ARHGAP22: variants seen among roughly 807,000 people sequenced by gnomAD.
ARHGAP22 encodes the protein rho GTPase-activating protein 22.
In ARHGAP22, 48 loss-of-function variants were observed where a neutral mutation model predicts 59.1. The observed-to-expected ratio is 0.81, with a 90% CI of 0.64 to 1.03. ARHGAP22 has a LOEUF of 1.03. ARHGAP22 is among the 50% of genes least tolerant of loss of function. The probability of loss-of-function intolerance (pLI) is 0.00; values close to 1 mark genes in which losing one functional copy is unlikely to be tolerated. For synonymous variants in ARHGAP22, 445 were observed against 416.4 expected, an observed-to-expected ratio of 1.07 and a Z score of -0.84; for missense variants, 1,015 against 958.7, an observed-to-expected ratio of 1.06 and a Z score of -0.78.
chr10:48,451,851 C>T (rs2045994334), intron 8 of ARHGAP22, among the ~76,000 whole-genome samples: 1 of 151,660 alleles, frequency 6.6e-6, no homozygotes, highest in African/African-American at 2.4e-5. Flanking sequence ...ACCCAGTTTC[C>T]CCAAAGCCCC....
chr10:48,602,958 G>A (rs1286647284), intron 1 of ARHGAP22, among the ~76,000 whole-genome samples: 1 of 152,246 alleles, frequency 6.6e-6, no homozygotes, highest in Non-Finnish European at 1.5e-5. Context: ...ATGAACGCAT[G>A]TGCACACACA....
At position 48,524,090 on chromosome 10, in the gene ARHGAP22, G is replaced by A. The variant is rs1201608210; in HGVS notation, c.322+31373C>T. On this transcript the variant is annotated intron_variant, in intron 3 of 9. Transcript: ENST00000249601. The stretch of plus-strand genomic sequence containing the variant: ...GCAGGTGTCCCCTCCAGTCCTTGCA[G>A]CAGCACAGCCCCATGGCAGCCGCCC... 23 of 1,450,892 alleles carry A rather than the reference G, an allele frequency of 1.6e-5. No homozygotes were observed. In the East Asian group the frequency reaches 6.9e-4, roughly 43 times the overall value. The allele number at this position is 1,450,892 out of a possible 1,614,324, so 89.9% of individuals were successfully genotyped here. A position where few individuals can be genotyped will look rare whatever the true frequency, so the allele number is the denominator to read the frequency against.
chr10:48,476,529 G>A lies in ARHGAP22; in HGVS notation c.451+3107C>T, dbSNP rs536164726. 9.2e-5 allele frequency among the ~76,000 whole-genome samples: 14 copies of A among 152,338 alleles called. No individual in the cohort carries two copies. In the South Asian group the frequency reaches 1.2e-3, roughly 14 times the overall value. ...CTCTGCCAGAAAACCTTCAGGGGCC[G>A]ACTGAGCCCACCTGCCAGCACCATG... On this transcript the variant is annotated intron_variant, in intron 4 of 9. Transcript: ENST00000249601.
intron 4 of ARHGAP22, among the ~76,000 whole-genome samples, chr10:48,461,800 G>T (rs1418695942): frequency 6.6e-6 from 1 of 152,176 alleles, no homozygotes; most frequent in East Asian, 1.9e-4. Flanking sequence ...TGGCTTGTGG[G>T]GTGTTCCAGG....
At chr10:48,562,467 T>C (rs1025000186) in intron 2 of ARHGAP22, among the ~76,000 whole-genome samples, 3 of 152,184 alleles carry the variant, frequency 2.0e-5, no homozygotes, top group Admixed American at 6.5e-5. Context: ...TATGAATGAA[T>C]GAACTCTTAA....
intron 3 of ARHGAP22, among the ~76,000 whole-genome samples, chr10:48,491,375 C>T (rs1420603851): frequency 1.3e-5 from 2 of 152,222 alleles, no homozygotes; most frequent in African/African-American, 4.8e-5. Flanking sequence ...ATATTACCTT[C>T]TTGGGGAATC....
chr10:48,588,291 T>C (rs2059551015), intron 1 of ARHGAP22, among the ~76,000 whole-genome samples: 1 of 152,108 alleles, frequency 6.6e-6, no homozygotes, highest in South Asian at 2.1e-4. Context: ...AAAGGCTGGC[T>C]CCAGTCCCTC....
chr10:48,515,975 CT>C (rs1288923591), intron 3 of ARHGAP22, among the ~76,000 whole-genome samples: 1 of 151,426 alleles, frequency 6.6e-6, no homozygotes, highest in African/African-American at 2.4e-5. Flanking sequence ...GATTGTGCCA[CT>C]GCATTCCAGC....
chr10:48,463,307 C>G (rs1374359808), intron 4 of ARHGAP22, among the ~76,000 whole-genome samples: 1 of 152,210 alleles, frequency 6.6e-6, no homozygotes, highest in East Asian at 1.9e-4. Context: ...ACCTCTGGGG[C>G]ACAGACTTCC....
At chr10:48,638,146 C>T (rs1041417278) in intron 1 of ARHGAP22, among the ~76,000 whole-genome samples, 24 of 152,164 alleles carry the variant, frequency 1.6e-4, no homozygotes, top group African/African-American at 5.1e-4. Flanking sequence ...ACAGAAACTA[C>T]AGAATGAGGT....
At chr10:48,518,839 C>A (rs1318209081) in intron 3 of ARHGAP22, among the ~76,000 whole-genome samples, 1 of 152,082 alleles carries the variant, frequency 6.6e-6, no homozygotes, top group East Asian at 1.9e-4. Flanking sequence ...ATAGAGACAG[C>A]AGAAAGATTC....
intron 2 of ARHGAP22, among the ~76,000 whole-genome samples, chr10:48,566,504 C>T (rs1444817700): frequency 6.6e-6 from 1 of 152,178 alleles, no homozygotes; most frequent in East Asian, 1.9e-4. Flanking sequence ...AGGAACGTTC[C>T]CTCCCTAAGG....
chr10:48,634,405 C>A (rs74648416), intron 1 of ARHGAP22, among the ~76,000 whole-genome samples: 1 of 152,204 alleles, frequency 6.6e-6, no homozygotes, highest in Non-Finnish European at 1.5e-5. Flanking sequence ...GGGCGGTGAG[C>A]CTGCACTGTG....
Position 48,541,806 on chromosome 10 carries a change from A to G in ARHGAP22, c.322+13657T>C, listed in dbSNP as rs80104369. Among the ~76,000 whole-genome samples, 448 of 152,274 alleles carry G rather than the reference A, an allele frequency of 2.9e-3. 22 individuals are homozygous for G. In the East Asian group the frequency reaches 0.079, roughly 27 times the overall value. On this transcript the variant is annotated intron_variant, in intron 3 of 9. Coordinates refer to ENST00000249601, the MANE Select transcript of ARHGAP22 (RefSeq NM_021226.4). ...CAAGAGATGTGGCTGAAGTTTGATCACCTAATTGGGACCCTGGCCTCGATC... is the reference window on the plus strand; with the variant it reads ...CAAGAGATGTGGCTGAAGTTTGATCGCCTAATTGGGACCCTGGCCTCGATC...
intron 6 of ARHGAP22, 48 bp from the exon 7 acceptor site, chr10:48,454,209 A>C: frequency 1.3e-6 from 2 of 1,518,304 alleles, no homozygotes; most frequent in Non-Finnish European, 1.8e-6. Context: ...GAGGGCCCTG[A>C]CTGTTCTCTG....
At chr10:48,542,303 C>T (rs1226688240) in intron 3 of ARHGAP22, among the ~76,000 whole-genome samples, 1 of 152,212 alleles carries the variant, frequency 6.6e-6, no homozygotes, top group Non-Finnish European at 1.5e-5. Context: ...AGTTTCATGG[C>T]CTTTAACTAG....
intron 2 of ARHGAP22, chr10:48,582,677 T>C (rs1456436747): frequency 1.2e-5 from 6 of 500,638 alleles, no homozygotes; most frequent in East Asian, 7.2e-5. Flanking sequence ...AAAAAGAACA[T>C]GGAAGACGTT....
At chr10:48,443,636 C>T (rs1230733354), downstream of ARHGAP22, among the ~76,000 whole-genome samples, 1 of 152,068 alleles carries the variant, frequency 6.6e-6, no homozygotes, top group African/African-American at 2.4e-5. Flanking sequence ...GAGAGAATTA[C>T]TTAGGATACT....
At chr10:48,465,389 T>A (rs1278443909) in intron 4 of ARHGAP22, among the ~76,000 whole-genome samples, 1 of 152,232 alleles carries the variant, frequency 6.6e-6, no homozygotes, top group African/African-American at 2.4e-5. Flanking sequence ...GGCAGAGCAG[T>A]CCGCTGGCTC....
Sources: allele counts gnomAD v4.1 joint callset (sites outside exome capture counted in the v4.1 genomes callset), GRCh38; gene constraint gnomAD v4.1.1; transcripts MANE v1.5; gene names NCBI Gene and HGNC (gene_info 2026-07-23, HGNC 2026-07-21).